The following CUL2 variants were observed in gnomAD, a reference collection of about 807,000 sequenced individuals.
The protein encoded by CUL2 is cullin 2, also known as cullin-2.
Under a neutral mutation model 110.2 loss-of-function variants are expected in CUL2, and 22 were observed. The observed-to-expected ratio is 0.20, with a 90% CI of 0.14 to 0.28. The LOEUF is 0.28. Ranked by LOEUF, CUL2 falls within the 10% of genes least tolerant of loss-of-function variation. The pLI is 1.00. For synonymous variants in CUL2, 279 were observed against 293.2 expected, an observed-to-expected ratio of 0.95 and a Z score of 0.49; for missense variants, 631 against 905.5, an observed-to-expected ratio of 0.70 and a Z score of 3.89.
rs2085472083 is a variant in CUL2, at chr10:35,031,183, A to C, written c.1386+117T>G. ...GTATATCCCACTGTGTGACTACACA[A>C]ATACACATTTAACCAGATGAATTGT... On this transcript the variant is annotated intron_variant, in intron 14 of 20. Transcript: ENST00000374749. The surrounding 1 kb of genome is among the most constrained non-coding windows in gnomAD (Gnocchi z 4.4). 6 of 644,382 alleles carry C rather than the reference A, an allele frequency of 9.3e-6. No individual in the cohort carries two copies. 39.9% of individuals were successfully genotyped at this position (644,382 alleles called of 1,614,324 possible).
rs761359281 is a variant in CUL2, at chr10:35,044,635, T to A, written c.645A>T (p.Thr215=). 1.1e-5 allele frequency: 17 copies of A among 1,611,242 alleles called. No homozygotes were observed. The highest frequency in any genetic ancestry group is 1.3e-5 in the African/African-American group (1 of 74,876). ...EIFESPFLTE[T]GEYYKQEASN... ...AAGCTTCTTGTTTGTAATACTCTCC[T>A]GTTTCAGTCAGAAAGGGAGACTCAA... is the stretch of plus-strand genomic sequence containing the variant. Residue 215 remains threonine, a synonymous_variant, in exon 8 of 21, where the codon ACA becomes ACT. Coordinates refer to ENST00000374749, the MANE Select transcript of CUL2 (RefSeq NM_003591.4).
rs2085397474 is a variant in CUL2, at chr10:35,028,864, C to A, written c.1563G>T (p.Gln521His). 1 of 1,610,430 alleles carries A rather than the reference C, an allele frequency of 6.2e-7. No homozygotes were observed. The highest frequency in any genetic ancestry group is 1.3e-5 in the African/African-American group (1 of 74,740). Residue 521 changes from glutamine (Q) to histidine (H), a missense_variant, in exon 16 of 21, where the codon CAG becomes CAT. Physicochemically the swap from Gln to His is conservative, Grantham distance 24 (BLOSUM62 0). Coordinates refer to ENST00000374749, the MANE Select transcript of CUL2 (RefSeq NM_003591.4). ...GAATTGCAAACGTAGATGAAGGAGC[C>A]TGAGTAAGAGGCCACGCACCAGCCT... The part of the protein sequence containing the change: ...VLQAGAWPLT[Q>H]APSSTFAIPQ...
intron 2 of CUL2, chr10:35,098,043 C>G (rs1359668985): frequency 6.6e-6 from 1 of 152,038 alleles, no homozygotes; most frequent in Admixed American, 6.6e-5. Context: ...GCTCAGAACT[C>G]ATATCATATT....
intron 20 of CUL2, among the ~76,000 whole-genome samples, chr10:35,010,646 A>T (rs1322914626): frequency 2.0e-5 from 3 of 152,190 alleles, no homozygotes; most frequent in Non-Finnish European, 2.9e-5. Context: ...CAATAAACTA[A>T]TTAACCTAAG....
At chr10:35,043,820 G>C (rs969107849) in intron 8 of CUL2, among the ~76,000 whole-genome samples, 1 of 151,954 alleles carries the variant, frequency 6.6e-6, no homozygotes, top group African/African-American at 2.4e-5. Flanking sequence ...AAATCCCAGC[G>C]CTTTGGGAGG....
intron 19 of CUL2, 87 bp downstream of exon 19, chr10:35,013,611 GT>G: frequency 1.2e-6 from 1 of 839,560 alleles, no homozygotes. Flanking sequence ...GCTGTGCAAA[GT>G]TTTGCACAAT....
rs1391009107 is a variant in CUL2 at position 35,031,966 on chromosome 10, C to T, written c.1171-347G>A. Among the ~76,000 whole-genome samples the T allele has an allele frequency of 6.6e-6, 1 of 152,014 alleles. No individual in the cohort carries two copies. The highest frequency in any genetic ancestry group is 1.5e-5 in the Non-Finnish European group (1 of 67,978). ...AGGTAAATTTTTAAAAAGAACAAGT[C>T]AAATATCAAATCATCACTTATTGAC... is the stretch of plus-strand genomic sequence containing the variant. On this transcript the variant is annotated intron_variant, in intron 12 of 20. Coordinates refer to ENST00000374749, the MANE Select transcript of CUL2 (RefSeq NM_003591.4). The surrounding 1 kb of genome is among the most constrained non-coding windows in gnomAD (Gnocchi z 4.4).
intron 9 of CUL2, among the ~76,000 whole-genome samples, chr10:35,036,841 C>A (rs1376702666): frequency 6.6e-6 from 1 of 152,024 alleles, no homozygotes; most frequent in Non-Finnish European, 1.5e-5. Flanking sequence ...TCAAGTGATC[C>A]TCCCACCTCA....
intron 4 of CUL2, among the ~76,000 whole-genome samples, chr10:35,057,810 T>TG (rs111666761): frequency 0.37 from 55,855 of 151,546 alleles, 10,354 homozygotes; most frequent in African/African-American, 0.43. Flanking sequence ...AATAAAGACA[T>TG]GGGCTGGACG....
At chr10:35,098,844 G>A (rs568548096) in intron 2 of CUL2, among the ~76,000 whole-genome samples, 2 of 152,290 alleles carry the variant, frequency 1.3e-5, no homozygotes, top group South Asian at 4.1e-4. Context: ...TGACGCAGGA[G>A]AATTGCTTGA....
At position 35,058,486 on chromosome 10, in the gene CUL2, C is replaced by G. The variant is rs187153109; in HGVS notation, c.317+2388G>C. On this transcript the variant is annotated intron_variant, in intron 4 of 20. Transcript: ENST00000374749. ...CACAAGGACAGGTCCATTGTAACTCCAGATCTGTAGTCTAAAGTCTAGTTC... is the reference window on the plus strand; with the variant it reads ...CACAAGGACAGGTCCATTGTAACTCGAGATCTGTAGTCTAAAGTCTAGTTC... Among the ~76,000 whole-genome samples the G allele has an allele frequency of 1.4e-4, 21 of 152,280 alleles. No homozygotes were observed. In the East Asian group the frequency reaches 3.5e-3, roughly 25 times the overall value.
chr10:35,032,932 C>A (rs543228969), intron 11 of CUL2, among the ~76,000 whole-genome samples: 350 of 152,150 alleles, frequency 2.3e-3, no homozygotes, highest in African/African-American at 8.1e-3. Flanking sequence ...CAGAACATAT[C>A]AGATTAAAAA....
chr10:35,014,255 G>GTGCCTC (rs1409695526), intron 18 of CUL2, among the ~76,000 whole-genome samples: 1 of 152,168 alleles, frequency 6.6e-6, no homozygotes, highest in African/African-American at 2.4e-5. Context: ...AGAGAAAGCT[G>GTGCCTC]TGCCTCCAGT....
chr10:35,018,489 C>T (rs1041413362), intron 17 of CUL2, among the ~76,000 whole-genome samples: 1 of 151,806 alleles, frequency 6.6e-6, no homozygotes, highest in Non-Finnish European at 1.5e-5. Flanking sequence ...TTAGGCCGGG[C>T]GCAGTGGCTC....
At chr10:35,082,942 G>A (rs996406014) in intron 1 of CUL2, among the ~76,000 whole-genome samples, 1 of 152,088 alleles carries the variant, frequency 6.6e-6, no homozygotes, top group Non-Finnish European at 1.5e-5. Flanking sequence ...CAGATCACTT[G>A]AGGTCAGGAG....
intron 1 of CUL2, among the ~76,000 whole-genome samples, chr10:35,076,551 A>G (rs933000048): frequency 6.6e-6 from 1 of 151,988 alleles, no homozygotes; most frequent in Non-Finnish European, 1.5e-5. Context: ...TGAAATCTCA[A>G]TCTCTCTCCC....
At chr10:35,029,770 T>G in intron 14 of CUL2, 130 bp from the exon 15 acceptor site, 1 of 575,180 alleles carries the variant, frequency 1.7e-6, no homozygotes, top group Non-Finnish European at 2.9e-6. Flanking sequence ...ACCCAAGGAC[T>G]AGTAATATAT....
In CUL2 at chr10:35,008,564, C is replaced by G. The variant is rs1316667545; in HGVS notation, c.*1747G>C. On this transcript the variant is annotated 3_prime_UTR_variant, in exon 21 of 21. Transcript: ENST00000374749. ...GAAAAAAAGGAATCAATTTGGAAAA[C>G]TTTTATCAATCAACAAGTTATCAAA... is the stretch of plus-strand genomic sequence containing the variant. 3 of 152,058 alleles carry G rather than the reference C, an allele frequency of 2.0e-5. No homozygotes were observed. Among genetic ancestry groups the G allele is most frequent in the Non-Finnish European group, 4.4e-5 (3 of 68,002 alleles). 9.4% of individuals were successfully genotyped at this position (152,058 alleles called of 1,614,324 possible).
At chr10:35,105,185 G>A (rs1253313480) in intron 1 of CUL2, among the ~76,000 whole-genome samples, 1 of 151,654 alleles carries the variant, frequency 6.6e-6, no homozygotes, top group African/African-American at 2.4e-5. Context: ...CAGCACTTTG[G>A]GAGGCCGAGG....
Sources: allele counts gnomAD v4.1 joint callset (sites outside exome capture counted in the v4.1 genomes callset), GRCh38; gene constraint gnomAD v4.1.1; non-coding constraint Gnocchi (gnomAD v3.1); transcripts MANE v1.5; gene names NCBI Gene and HGNC (gene_info 2026-07-23, HGNC 2026-07-21).